The following LIG3 variants were observed in gnomAD, a reference collection of about 807,000 sequenced individuals.
LIG3 encodes DNA ligase 3, also known as ligase II, DNA, ATP-dependent.
A neutral mutation model predicts 110.9 loss-of-function variants in LIG3; 58 were observed. That is an observed-to-expected ratio of 0.52 (90% CI 0.42 to 0.65). LIG3 has a LOEUF of 0.65. Ranked by LOEUF, LIG3 falls within the 30% of genes least tolerant of loss-of-function variation. LIG3 has a pLI of 0.00. For missense variants in LIG3, 1,094 were observed against 1,273.8 expected (o/e 0.86, Z 2.15); for synonymous variants, 422 against 472.8 (o/e 0.89, Z 1.39).
At chr17:34,999,632 C>A in intron 15 of LIG3, 150 bp from the exon 16 acceptor site, 1 of 1,053,082 alleles carries the variant, frequency 9.5e-7, no homozygotes, top group East Asian at 2.5e-5. Context: ...GCTTGCATGC[C>A]TCTAGGTCAT....
At chr17:34,997,487 C>T (rs1158973000) in intron 11 of LIG3, 2 of 458,590 alleles carry the variant, frequency 4.4e-6, no homozygotes, top group Admixed American at 6.5e-5. Flanking sequence ...TCTCCCTTGG[C>T]TCGCTTGATG....
intron 3 of LIG3, among the ~76,000 whole-genome samples, chr17:34,986,450 T>G (rs1310173694): frequency 2.6e-5 from 4 of 152,108 alleles, no homozygotes; most frequent in Non-Finnish European, 4.4e-5. Context: ...GCCTCCCAAG[T>G]AGCTGGGATT....
Position 34,991,702 on chromosome 17 carries a change from T to G in LIG3, c.1073T>G (p.Phe358Cys), listed in dbSNP as rs1429415033. 5 of 1,613,950 alleles carry G rather than the reference T, an allele frequency of 3.1e-6. No individual in the cohort carries two copies. The highest frequency in any genetic ancestry group is 4.2e-6 in the Non-Finnish European group (5 of 1,179,934). The change falls in exon 6 of 20, where the codon TTT (phenylalanine) becomes TGT (cysteine). Residue 358 changes from phenylalanine to cysteine, a missense_variant. Physicochemically the swap from Phe to Cys is radical, Grantham distance 205. Coordinates refer to ENST00000378526, the MANE Select transcript of LIG3 (RefSeq NM_013975.4). Reference protein sequence around the residue: ...GDVSETIRVFFEQSKSFPPAA... With the variant: ...GDVSETIRVFCEQSKSFPPAA... Reference sequence around the variant, plus strand: ...GTGTCAGAGACAATCAGAGTCTTCTTTGAGCAGAGCAAGTCTTTCCCCCCA... The same window carrying G: ...GTGTCAGAGACAATCAGAGTCTTCTGTGAGCAGAGCAAGTCTTTCCCCCCA...
chr17:34,995,315 G>A lies in LIG3; in HGVS notation c.1612-749G>A, dbSNP rs539297930. Among the ~76,000 whole-genome samples the A allele has an allele frequency of 6.2e-4, 94 of 152,336 alleles. 1 individual carries two copies. Among genetic ancestry groups the A allele is most frequent in the Admixed American group, 1.0e-3 (16 of 15,298 alleles). ...TTGTGGAGCTTTAATGCAGGTTCAC[G>A]TGTTCTGTGAAGCACTGCAAATCAC... On this transcript the variant is annotated intron_variant, in intron 9 of 19. Coordinates refer to ENST00000378526, the MANE Select transcript of LIG3 (RefSeq NM_013975.4).
At chr17:34,990,114 ACT>A (rs1439311788) in intron 4 of LIG3, among the ~76,000 whole-genome samples, 2 of 151,962 alleles carry the variant, frequency 1.3e-5, no homozygotes, top group Non-Finnish European at 2.9e-5. Flanking sequence ...GAAACTAACC[ACT>A]CTGTCCAACA....
chr17:35,002,928 C>T, intron 19 of LIG3, 139 bp downstream of exon 19: 5 of 1,607,522 alleles, frequency 3.1e-6, no homozygotes, highest in Non-Finnish European at 4.3e-6. Flanking sequence ...TGCCTGCAGC[C>T]ACTCCTCTGT....
chr17:34,981,515 C>G (rs529544616), intron 1 of LIG3: 2 of 152,334 alleles, frequency 1.3e-5, no homozygotes, highest in African/African-American at 4.8e-5. Context: ...CCACAACCAG[C>G]GCATTCATGG....
chr17:34,982,909 A>G, intron 1 of LIG3, 93 bp from the exon 2 acceptor site: 1 of 884,352 alleles, frequency 1.1e-6, no homozygotes, highest in Non-Finnish European at 1.7e-6. Flanking sequence ...GTCATCATGG[A>G]CTATATAAGA....
chr17:34,989,656 AGCAGGAGGTGTG>A lies in LIG3; in HGVS notation c.886_889+8del. ...TCCAGGACTTCCTTCGGAAAGGCTC[AGCAGGAGGTGTG>A]GCATGAGCATCCTGAATAGGCCTTT... On this transcript the variant is annotated splice_donor_variant and splice_donor_5th_base_variant and coding_sequence_variant and intron_variant, in exon 4 of 20. Transcript: ENST00000378526. LOFTEE classifies it high-confidence loss of function. 6.2e-7 allele frequency: 1 copy of A among 1,614,188 alleles called. No homozygotes were observed. Among genetic ancestry groups the A allele is most frequent in the Non-Finnish European group, 8.5e-7 (1 of 1,180,030 alleles).
At chr17:35,001,757 A>C in intron 17 of LIG3, 152 bp from the exon 18 acceptor site, 1 of 674,488 alleles carries the variant, frequency 1.5e-6, no homozygotes, top group Non-Finnish European at 2.5e-6. Flanking sequence ...CATACTTTGG[A>C]ATGGTGCCAA....
chr17:34,987,727 G>C (rs576744485), intron 3 of LIG3, among the ~76,000 whole-genome samples: 1 of 152,280 alleles, frequency 6.6e-6, no homozygotes, highest in African/African-American at 2.4e-5. Flanking sequence ...GGGTGCTATA[G>C]GAGCACAGGC....
intron 10 of LIG3, 30 bp from the exon 11 acceptor site, chr17:34,996,544 G>A: frequency 6.4e-7 from 1 of 1,571,428 alleles, no homozygotes; most frequent in Non-Finnish European, 8.8e-7. Flanking sequence ...TTTGTCCTAT[G>A]TGTACCTACT....
chr17:34,989,586 C>T lies in LIG3; in HGVS notation c.812C>T (p.Ala271Val), dbSNP rs749555336. The change falls in exon 4 of 20, where the codon GCC (alanine) becomes GTC (valine). Residue 271 changes from alanine (A) to valine (V), a missense_variant. Physicochemically the swap from Ala to Val is moderately conservative, Grantham distance 64. Coordinates refer to ENST00000378526, the MANE Select transcript of LIG3 (RefSeq NM_013975.4). ...CLLREFRKLC[A>V]MVADNPSYNT... Reference sequence around the variant, plus strand: ...CTACGGGAGTTTCGAAAGTTATGCGCCATGGTGGCCGATAATCCTAGCTAC... The same window carrying T: ...CTACGGGAGTTTCGAAAGTTATGCGTCATGGTGGCCGATAATCCTAGCTAC... 2.5e-6 allele frequency: 4 copies of T among 1,614,126 alleles called. No homozygotes were observed. Among genetic ancestry groups the T allele is most frequent in the Non-Finnish European group, 2.5e-6 (3 of 1,180,030 alleles).
chr17:35,001,919 A>G lies in LIG3; in HGVS notation c.2489A>G (p.Gln830Arg). The G allele has an allele frequency of 6.2e-7, 1 of 1,610,352 alleles. No individual in the cohort carries two copies. Among genetic ancestry groups the G allele is most frequent in the Non-Finnish European group, 8.5e-7 (1 of 1,178,718 alleles). Residue 830 changes from glutamine to arginine, a missense_variant, in exon 18 of 20, where the codon CAG (glutamine) becomes CGG (arginine). By Grantham distance (43) the Gln-to-Arg change is conservative. Coordinates refer to ENST00000378526, the MANE Select transcript of LIG3 (RefSeq NM_013975.4). The part of the protein sequence containing the change: ...TNLPQLKELY[Q>R]LSKEKADFTV... The stretch of plus-strand genomic sequence containing the variant: ...CCCTCCCCGCCTCAGGAACTGTACC[A>G]GTTGTCCAAGGAGAAGGCAGACTTC...
intron 3 of LIG3, among the ~76,000 whole-genome samples, chr17:34,988,235 T>G (rs1423225079): frequency 6.6e-6 from 1 of 150,548 alleles, no homozygotes; most frequent in African/African-American, 2.4e-5. Context: ...TTGGTTGGTT[T>G]GTTGTTTGCT....
intron 3 of LIG3, among the ~76,000 whole-genome samples, chr17:34,988,173 A>T (rs980984479): frequency 9.8e-5 from 14 of 143,464 alleles, no homozygotes; most frequent in African/African-American, 3.6e-4. Context: ...AGCCTGGGCG[A>T]CAGCGAGACT....
At position 34,983,351 on chromosome 17, in the gene LIG3, G is replaced by A. The variant is rs141095047; in HGVS notation, c.346G>A (p.Val116Ile). ...ATGCAAGGAAAAGATTGTGAAGGGC[G>A]TATGCCGAATTGGCAAAGTGGTGCC... ...KKCKEKIVKG[V>I]CRIGKVVPNP... Residue 116 changes from valine to isoleucine, a missense_variant, in exon 2 of 20, where the codon GTA becomes ATA. Val to Ile is a conservative substitution (Grantham distance 29). Coordinates refer to ENST00000378526, the MANE Select transcript of LIG3 (RefSeq NM_013975.4). 2.3e-5 allele frequency: 37 copies of A among 1,614,126 alleles called. No individual in the cohort carries two copies. Among genetic ancestry groups the A allele is most frequent in the South Asian group, 1.4e-4 (13 of 91,092 alleles).
intron 15 of LIG3, 42 bp from the exon 16 acceptor site, chr17:34,999,740 C>A: frequency 2.0e-6 from 3 of 1,531,134 alleles, no homozygotes; most frequent in Non-Finnish European, 1.8e-6. Flanking sequence ...AAGCCTTGTT[C>A]CAGGTTGGGA....
chr17:34,992,425 C>T, intron 7 of LIG3, 99 bp from the exon 8 acceptor site: 2 of 1,278,916 alleles, frequency 1.6e-6, no homozygotes, highest in South Asian at 2.9e-5. Flanking sequence ...CCCTTCCCTA[C>T]AGATGAGGAT....
Sources: allele counts gnomAD v4.1 joint callset (sites outside exome capture counted in the v4.1 genomes callset), GRCh38; gene constraint gnomAD v4.1.1; transcripts MANE v1.5; gene names NCBI Gene and HGNC (gene_info 2026-07-23, HGNC 2026-07-21).